CNTN1: variants seen among roughly 807,000 people sequenced by gnomAD.
The protein encoded by CNTN1 is contactin 1.
A neutral mutation model predicts 126.4 loss-of-function variants in CNTN1; 38 were observed. The ratio of observed to expected loss-of-function variants is 0.30; its 90% CI spans 0.23 to 0.39. The LOEUF (loss-of-function observed/expected upper bound fraction) is 0.39, where lower values mean the gene tolerates loss of function less well. Ranked by LOEUF, CNTN1 falls within the 10% of genes least tolerant of loss-of-function variation. The pLI, the probability that CNTN1 is intolerant of heterozygous loss-of-function variation, is 1.00. For missense variants in CNTN1, 1,009 were observed against 1,248.4 expected (o/e 0.81, Z 2.89); for synonymous variants, 413 against 422.6 (o/e 0.98, Z 0.28).
intron 1 of CNTN1, among the ~76,000 whole-genome samples, chr12:40,714,668 A>G (rs1413329858): frequency 1.3e-5 from 2 of 152,218 alleles, no homozygotes; most frequent in Admixed American, 6.5e-5. Context: ...AATTTTTTTT[A>G]TAGAAATGAA....
At chr12:40,933,309 C>A in intron 7 of CNTN1, 152 bp from the exon 8 acceptor site, 1 of 646,742 alleles carries the variant, frequency 1.5e-6, no homozygotes, top group Non-Finnish European at 2.8e-6. Context: ...TGTGCATAAA[C>A]AAACAAGTCT....
chr12:40,762,443 T>G (rs1938899482), intron 1 of CNTN1, among the ~76,000 whole-genome samples: 1 of 152,204 alleles, frequency 6.6e-6, no homozygotes, highest in Admixed American at 6.5e-5. Flanking sequence ...TTAAATGTTC[T>G]TAAGAATTCA....
chr12:40,781,577 TG>T (rs966317467), intron 1 of CNTN1, among the ~76,000 whole-genome samples: 1 of 152,028 alleles, frequency 6.6e-6, no homozygotes, highest in Non-Finnish European at 1.5e-5. Context: ...TATGGGCTAA[TG>T]GGAGGGTTAG....
At chr12:40,874,187 A>T (rs1943595145) in intron 1 of CNTN1, among the ~76,000 whole-genome samples, 1 of 152,080 alleles carries the variant, frequency 6.6e-6, no homozygotes. Flanking sequence ...AAAATTAGGT[A>T]AATAATAATA....
chr12:40,714,994 C>A (rs1942013775), intron 1 of CNTN1, among the ~76,000 whole-genome samples: 1 of 152,028 alleles, frequency 6.6e-6, no homozygotes. Flanking sequence ...ATTTTGTAAG[C>A]ATTTTTGTAG....
intron 23 of CNTN1, chr12:41,061,695 GA>G (rs1949941510): frequency 4.8e-6 from 2 of 414,978 alleles, no homozygotes; most frequent in East Asian, 1.5e-4. Context: ...GGTTTGCCTA[GA>G]ATTACAGACT....
chr12:40,815,660 G>T (rs145799465), intron 1 of CNTN1, among the ~76,000 whole-genome samples: 1 of 151,938 alleles, frequency 6.6e-6, no homozygotes, highest in East Asian at 1.9e-4. Context: ...TTACCTGATT[G>T]CCCTGGCCAG....
chr12:40,707,227 C>CTTTTTTTTTTTTTTTTTTTTTTTTTTT lies in CNTN1; in HGVS notation c.-77+14648_-77+14674dup, dbSNP rs370984371. Among the ~76,000 whole-genome samples the CTTTTTTTTTTTTTTTTTTTTTTTTTTT allele has an allele frequency of 1.7e-4, 19 of 109,158 alleles. 3 individuals carry two copies. The highest frequency in any genetic ancestry group is 5.0e-4 in the African/African-American group (13 of 26,042). The allele number at this position is 109,158 out of a possible 152,430, so 71.6% of individuals were successfully genotyped here. A position where few individuals can be genotyped will look rare whatever the true frequency, so the allele number is the denominator to read the frequency against. Reference sequence around the variant, plus strand: ...TTCCTCTTTCATTTCTTTTCTTTTTCTTTTTTTTTTTTTTTTTTTTTTTTT... The same window carrying CTTTTTTTTTTTTTTTTTTTTTTTTTTT: ...TTCCTCTTTCATTTCTTTTCTTTTTCTTTTTTTTTTTTTTTTTTTTTTTTTTTTTTTTTTTTTTTTTTTTTTTTTTTT... On this transcript the variant is annotated intron_variant, in intron 1 of 23. Transcript: ENST00000551295.
At chr12:40,720,207 GTTT>G (rs979471854) in intron 1 of CNTN1, among the ~76,000 whole-genome samples, 4 of 151,760 alleles carry the variant, frequency 2.6e-5, no homozygotes, top group African/African-American at 9.7e-5. Context: ...TAGACTATTT[GTTT>G]TTATTTTCAC....
chr12:40,849,365 A>G (rs550576860), intron 1 of CNTN1, among the ~76,000 whole-genome samples: 11 of 152,154 alleles, frequency 7.2e-5, no homozygotes, highest in Admixed American at 3.3e-4. Context: ...TTAGTCATTC[A>G]GGGAAAGTAA....
chr12:40,885,217 C>G (rs1382340121), intron 1 of CNTN1, among the ~76,000 whole-genome samples: 1 of 151,768 alleles, frequency 6.6e-6, no homozygotes, highest in Non-Finnish European at 1.5e-5. Flanking sequence ...ACCTACATGA[C>G]TCAGGTGTTT....
At chr12:40,724,565 T>C (rs2121231722) in intron 1 of CNTN1, among the ~76,000 whole-genome samples, 1 of 152,304 alleles carries the variant, frequency 6.6e-6, no homozygotes. Context: ...TATTTTGAAA[T>C]AGATACATAA....
intron 1 of CNTN1, among the ~76,000 whole-genome samples, chr12:40,886,017 A>T (rs951119899): frequency 6.6e-6 from 1 of 152,096 alleles, no homozygotes; most frequent in Non-Finnish European, 1.5e-5. Flanking sequence ...GTACAAAAGA[A>T]AACTATAGTT....
chr12:40,728,618 ACAATGT>A (rs1455973028), intron 1 of CNTN1, among the ~76,000 whole-genome samples: 1 of 152,226 alleles, frequency 6.6e-6, no homozygotes, highest in African/African-American at 2.4e-5. Flanking sequence ...CTAAACACCA[ACAATGT>A]TTACCAAATC....
intron 15 of CNTN1, among the ~76,000 whole-genome samples, chr12:40,968,302 T>C (rs149094875): frequency 2.0e-3 from 299 of 152,332 alleles, no homozygotes; most frequent in African/African-American, 7.1e-3. Flanking sequence ...AATAAATGTT[T>C]ATTCTATAGA....
At chr12:40,858,591 C>A (rs1943001785) in intron 1 of CNTN1, among the ~76,000 whole-genome samples, 1 of 152,068 alleles carries the variant, frequency 6.6e-6, no homozygotes. Flanking sequence ...GATCTAGAAC[C>A]AGAAATACCA....
At chr12:40,756,921 C>T (rs2136408212) in intron 1 of CNTN1, among the ~76,000 whole-genome samples, 1 of 152,132 alleles carries the variant, frequency 6.6e-6, no homozygotes, top group South Asian at 2.1e-4. Flanking sequence ...GTGGCTAGTT[C>T]CCAGACTTGT....
chr12:40,922,827 TG>T (rs1008371076), intron 5 of CNTN1, among the ~76,000 whole-genome samples: 2 of 151,826 alleles, frequency 1.3e-5, no homozygotes, highest in African/African-American at 4.8e-5. Context: ...AAAAATTAGC[TG>T]GGCGTTGTGG....
intron 1 of CNTN1, among the ~76,000 whole-genome samples, chr12:40,721,314 A>T (rs1163304670): frequency 6.6e-6 from 1 of 152,140 alleles, no homozygotes; most frequent in Non-Finnish European, 1.5e-5. Flanking sequence ...ATGGATGATG[A>T]CTATAAAAAT....
Sources: gnomAD v4.1 joint callset for allele counts (sites outside exome capture counted in the v4.1 genomes callset) on GRCh38, gnomAD v4.1.1 for gene constraint, MANE v1.5 for transcripts, NCBI Gene and HGNC (gene_info 2026-07-23, HGNC 2026-07-21) for gene names.